The following MMP16 variants were observed in gnomAD, a reference collection of about 807,000 sequenced individuals.
The protein encoded by MMP16 is matrix metallopeptidase 16.
MMP16 carries 12 observed loss-of-function variants against 67.8 expected under a neutral mutation model. The ratio of observed to expected loss-of-function variants is 0.18; its 90% CI spans 0.11 to 0.29. MMP16 has a LOEUF of 0.29. Among genes scored for constraint, MMP16 ranks in the 10% least tolerant of loss-of-function variants. The pLI, the probability that MMP16 is intolerant of heterozygous loss-of-function variation, is 1.00. For missense variants in MMP16, 475 were observed against 765.7 expected (o/e 0.62, Z 4.48); for synonymous variants, 249 against 255.9 (o/e 0.97, Z 0.26).
chr8:88,123,275 C>G (rs1807870333), intron 4 of MMP16, among the ~76,000 whole-genome samples: 1 of 151,944 alleles, frequency 6.6e-6, no homozygotes, highest in Admixed American at 6.6e-5. Context: ...CTGAAATAAA[C>G]AAGGGATTAA....
chr8:88,097,665 G>C (rs539655902), intron 6 of MMP16, among the ~76,000 whole-genome samples: 2 of 126,436 alleles, frequency 1.6e-5, no homozygotes, highest in African/African-American at 2.9e-5. Context: ...AACATCAAAA[G>C]AATGGGACTT....
chr8:88,139,257 C>T (rs1177255872), intron 4 of MMP16, among the ~76,000 whole-genome samples: 1 of 152,054 alleles, frequency 6.6e-6, no homozygotes, highest in South Asian at 2.1e-4. Flanking sequence ...CATTTTTCTT[C>T]TTCAGTGAAT....
chr8:88,290,941 C>T (rs570945596), intron 1 of MMP16, among the ~76,000 whole-genome samples: 50 of 151,912 alleles, frequency 3.3e-4, no homozygotes, highest in East Asian at 2.9e-3. Flanking sequence ...AGAGATTCTC[C>T]GATTCTAATG....
chr8:88,227,040 G>C (rs555226446), intron 1 of MMP16, among the ~76,000 whole-genome samples: 6 of 151,946 alleles, frequency 3.9e-5, no homozygotes, highest in Non-Finnish European at 8.8e-5. Flanking sequence ...GTGATCTAGA[G>C]AGTGAGCAAA....
At chr8:88,177,612 C>T (rs1298904696) in intron 3 of MMP16, among the ~76,000 whole-genome samples, 3 of 152,176 alleles carry the variant, frequency 2.0e-5, no homozygotes, top group African/African-American at 7.2e-5. Flanking sequence ...AAAAAAGCAA[C>T]AATTTTGAAA....
chr8:88,282,344 A>T (rs918110664), intron 1 of MMP16, among the ~76,000 whole-genome samples: 2 of 152,248 alleles, frequency 1.3e-5, no homozygotes, highest in African/African-American at 4.8e-5. Flanking sequence ...AAGTGCTGGG[A>T]TTACAGGCGT....
At chr8:88,309,988 C>T (rs147975014) in intron 1 of MMP16, among the ~76,000 whole-genome samples, 7 of 152,136 alleles carry the variant, frequency 4.6e-5, no homozygotes, top group Admixed American at 2.6e-4. Flanking sequence ...TCCTCATCCA[C>T]GTAGCTCAAA....
At chr8:88,163,943 G>GGT (rs1347998749) in intron 4 of MMP16, among the ~76,000 whole-genome samples, 1 of 151,990 alleles carries the variant, frequency 6.6e-6, no homozygotes, top group Non-Finnish European at 1.5e-5. Flanking sequence ...TGTGTATATA[G>GGT]GTGTGTGTGA....
At chr8:88,221,617 TA>T (rs28904613) in intron 1 of MMP16, among the ~76,000 whole-genome samples, 75,685 of 151,742 alleles carry the variant, frequency 0.5, 20,871 homozygotes, top group Non-Finnish European at 0.63. Flanking sequence ...CCTGGAAGAT[TA>T]AAAAATATAA....
intron 1 of MMP16, among the ~76,000 whole-genome samples, chr8:88,261,762 T>C (rs1011475821): frequency 6.9e-5 from 4 of 58,040 alleles, no homozygotes; most frequent in African/African-American, 1.2e-4. Context: ...TGCATACATA[T>C]ATGTACATGT....
intron 1 of MMP16, among the ~76,000 whole-genome samples, chr8:88,239,045 A>G (rs370938979): frequency 1.3e-5 from 2 of 152,132 alleles, no homozygotes; most frequent in African/African-American, 4.8e-5. Flanking sequence ...AAGACCCAGC[A>G]TCTTGCCTCA....
At chr8:88,282,959 C>T (rs1585997833) in intron 1 of MMP16, among the ~76,000 whole-genome samples, 1 of 152,126 alleles carries the variant, frequency 6.6e-6, no homozygotes, top group East Asian at 1.9e-4. Context: ...TGGTAATACT[C>T]TATGGCTTTC....
chr8:88,161,033 C>T (rs1484503365), intron 4 of MMP16, among the ~76,000 whole-genome samples: 1 of 152,046 alleles, frequency 6.6e-6, no homozygotes, highest in African/African-American at 2.4e-5. Flanking sequence ...CTCTGCCAGG[C>T]TTTGGTATCA....
intron 4 of MMP16, among the ~76,000 whole-genome samples, chr8:88,146,942 T>G (rs757697640): frequency 1.2e-4 from 18 of 152,034 alleles, no homozygotes; most frequent in Non-Finnish European, 2.4e-4. Flanking sequence ...GGTATAAATG[T>G]TCTTGCTGAT....
Position 88,142,006 on chromosome 8 carries a change from C to T in MMP16, c.710-23145G>A, listed in dbSNP as rs377439033. On this transcript the variant is annotated intron_variant, in intron 4 of 9. Transcript: ENST00000286614. The stretch of plus-strand genomic sequence containing the variant: ...CTCAGCTCACTGCTGCAACCTCCAC[C>T]TCCTGGGTTCAAGCAATTCTCCTGT... Among the ~76,000 whole-genome samples, 177 of 152,102 alleles carry T rather than the reference C, an allele frequency of 1.2e-3. 1 individual carries two copies. In the South Asian group the frequency reaches 0.012, roughly 11 times the overall value.
chr8:88,171,005 G>C (rs1378629372), intron 3 of MMP16, among the ~76,000 whole-genome samples: 1 of 152,142 alleles, frequency 6.6e-6, no homozygotes, highest in Admixed American at 6.6e-5. Flanking sequence ...TGATGGATTT[G>C]ATATGTAATG....
chr8:88,097,255 T>C (rs1809044068), intron 6 of MMP16, among the ~76,000 whole-genome samples: 1 of 151,934 alleles, frequency 6.6e-6, no homozygotes, highest in African/African-American at 2.4e-5. Flanking sequence ...GGATATTAAC[T>C]ATATTGATCC....
intron 1 of MMP16, among the ~76,000 whole-genome samples, chr8:88,215,221 T>G (rs1809571218): frequency 6.6e-6 from 1 of 151,684 alleles, no homozygotes; most frequent in Non-Finnish European, 1.5e-5. Flanking sequence ...TCCCAGCTAC[T>G]CAGGAGGCTG....
intron 1 of MMP16, among the ~76,000 whole-genome samples, chr8:88,302,218 G>A (rs930618069): frequency 3.9e-5 from 6 of 152,306 alleles, no homozygotes; most frequent in Middle Eastern, 3.4e-3. Context: ...AGGGCAAAGA[G>A]CAACATTTTC....
Sources: gnomAD v4.1 joint callset for allele counts (sites outside exome capture counted in the v4.1 genomes callset) on GRCh38, gnomAD v4.1.1 for gene constraint, MANE v1.5 for transcripts, NCBI Gene and HGNC (gene_info 2026-07-23, HGNC 2026-07-21) for gene names.